The following ADAMTSL1 variants were observed in gnomAD, a reference collection of about 807,000 sequenced individuals.
ADAMTSL1 encodes ADAMTS-like protein 1.
Under a neutral mutation model 201.8 loss-of-function variants are expected in ADAMTSL1, and 126 were observed. The ratio of observed to expected loss-of-function variants is 0.62; its 90% CI spans 0.54 to 0.72. ADAMTSL1 has a LOEUF of 0.72. ADAMTSL1 is among the 30% of genes least tolerant of loss of function. The probability of loss-of-function intolerance (pLI) is 0.00; values close to 1 mark genes in which losing one functional copy is unlikely to be tolerated. For missense variants in ADAMTSL1, 2,679 were observed against 2,277.8 expected (o/e 1.18, Z -3.59); for synonymous variants, 1,121 against 903.4 (o/e 1.24, Z -4.32).
At chr9:18,058,843 G>A (rs190769215) in intron 1 of ADAMTSL1, among the ~76,000 whole-genome samples, 189 of 152,264 alleles carry the variant, frequency 1.2e-3, no homozygotes, top group Admixed American at 2.0e-3. Context: ...TCCAGTAAAA[G>A]AAACCACAGA....
chr9:18,223,794 CT>C (rs370457474), intron 2 of ADAMTSL1, among the ~76,000 whole-genome samples: 329 of 151,850 alleles, frequency 2.2e-3, no homozygotes, highest in African/African-American at 7.8e-3. Context: ...TAGCTTGTTT[CT>C]TTATGGGACC....
At position 18,816,462 on chromosome 9, in the gene ADAMTSL1, C is replaced by G. The variant is rs139555906; in HGVS notation, c.3806-647C>G. ...ATGTTGGCCAGGCTAGTCTCAAACTCCTGGCCTCAAGTGATCGACCCACCT... is the reference window on the plus strand; with the variant it reads ...ATGTTGGCCAGGCTAGTCTCAAACTGCTGGCCTCAAGTGATCGACCCACCT... On this transcript the variant is annotated intron_variant, in intron 20 of 28. Coordinates refer to ENST00000380548, the MANE Select transcript of ADAMTSL1 (RefSeq NM_001040272.6). 2.9e-3 allele frequency among the ~76,000 whole-genome samples: 439 copies of G among 152,250 alleles called. 3 individuals carry two copies. Among genetic ancestry groups the G allele is most frequent in the African/African-American group, 1.0e-2 (415 of 41,530 alleles).
At chr9:18,462,628 G>C (rs1378307498) in intron 2 of ADAMTSL1, among the ~76,000 whole-genome samples, 1 of 152,032 alleles carries the variant, frequency 6.6e-6, no homozygotes, top group Non-Finnish European at 1.5e-5. Flanking sequence ...GCAATCAAAA[G>C]GATTTAATCA....
Position 18,719,406 on chromosome 9 carries a change from G to C in ADAMTSL1, c.1877-2130G>C, listed in dbSNP as rs574601648. ...TTTCTCACCCAGGCTGGAGTACAAT[G>C]GTGTGATCTCAGCTCACTGCAACCT... On this transcript the variant is annotated intron_variant, in intron 14 of 28. Coordinates refer to ENST00000380548, the MANE Select transcript of ADAMTSL1 (RefSeq NM_001040272.6). Among the ~76,000 whole-genome samples the C allele has an allele frequency of 3.3e-5, 5 of 152,190 alleles. No individual in the cohort carries two copies. In the East Asian group the frequency reaches 9.7e-4, roughly 29 times the overall value.
intron 1 of ADAMTSL1, among the ~76,000 whole-genome samples, chr9:18,136,221 A>G (rs760147136): frequency 1.3e-5 from 2 of 152,182 alleles, no homozygotes; most frequent in Non-Finnish European, 2.9e-5. Context: ...AAATATTTCC[A>G]AAGAATACCT....
chr9:17,933,062 T>C (rs1826862617), intron 1 of ADAMTSL1, among the ~76,000 whole-genome samples: 2 of 152,146 alleles, frequency 1.3e-5, no homozygotes, highest in South Asian at 4.1e-4. Context: ...TGTGTTTCTT[T>C]TCGGTGCTGT....
intron 1 of ADAMTSL1, among the ~76,000 whole-genome samples, chr9:17,936,257 A>G (rs1315302201): frequency 6.6e-6 from 1 of 152,128 alleles, no homozygotes; most frequent in Non-Finnish European, 1.5e-5. Context: ...TCACATAATA[A>G]TTGAAATTCT....
intron 4 of ADAMTSL1, among the ~76,000 whole-genome samples, chr9:18,584,417 T>C (rs1235455013): frequency 6.6e-6 from 1 of 152,074 alleles, no homozygotes; most frequent in Non-Finnish European, 1.5e-5. Flanking sequence ...CTTTCTTTTG[T>C]AAATTGCTCA....
At chr9:17,907,746 G>C (rs1380301377) in intron 1 of ADAMTSL1, among the ~76,000 whole-genome samples, 3 of 152,092 alleles carry the variant, frequency 2.0e-5, no homozygotes, top group African/African-American at 7.3e-5. Flanking sequence ...CAGGGGTCCA[G>C]GGTCGAGTCA....
At chr9:18,816,165 T>C (rs905130744) in intron 20 of ADAMTSL1, among the ~76,000 whole-genome samples, 2 of 152,250 alleles carry the variant, frequency 1.3e-5, no homozygotes, top group East Asian at 1.9e-4. Flanking sequence ...CCAGTCTCTG[T>C]TAACCACTAT....
chr9:18,467,356 T>C (rs1429431240), intron 2 of ADAMTSL1, among the ~76,000 whole-genome samples: 1 of 152,188 alleles, frequency 6.6e-6, no homozygotes, highest in Non-Finnish European at 1.5e-5. Flanking sequence ...AAAATAACTC[T>C]TAAAGCTTGA....
At chr9:18,020,457 A>T (rs916018647) in intron 1 of ADAMTSL1, among the ~76,000 whole-genome samples, 10 of 152,042 alleles carry the variant, frequency 6.6e-5, no homozygotes, top group African/African-American at 1.2e-4. Context: ...AGAGGGAACA[A>T]AGCCTGCCAA....
At chr9:18,793,944 A>C (rs577244568) in intron 19 of ADAMTSL1, among the ~76,000 whole-genome samples, 1 of 152,296 alleles carries the variant, frequency 6.6e-6, no homozygotes, top group East Asian at 1.9e-4. Context: ...ATAAATCTAG[A>C]AAAGAAAAAA....
At chr9:17,941,796 A>C (rs1044194060) in intron 1 of ADAMTSL1, among the ~76,000 whole-genome samples, 1 of 152,160 alleles carries the variant, frequency 6.6e-6, no homozygotes, top group African/African-American at 2.4e-5. Flanking sequence ...TATTTCTCAC[A>C]GTTCTAGAAG....
chr9:18,364,433 C>T (rs922205545), intron 2 of ADAMTSL1, among the ~76,000 whole-genome samples: 1 of 152,016 alleles, frequency 6.6e-6, no homozygotes. Flanking sequence ...AGAAGCAAAC[C>T]CCAATTCTCT....
At chr9:18,275,876 C>A (rs1262689297) in intron 2 of ADAMTSL1, among the ~76,000 whole-genome samples, 2 of 152,060 alleles carry the variant, frequency 1.3e-5, no homozygotes, top group East Asian at 3.9e-4. Flanking sequence ...GTAAATCCTA[C>A]CTCAGGGTAG....
At position 18,242,488 on chromosome 9, in the gene ADAMTSL1, A is replaced by G. The variant is rs112272653; in HGVS notation, c.207+78507A>G. ...TCTACTCTCTTTAATTCTATTCAAC[A>G]TAGTGTTAGAACTATTAGCAAGAAC... On this transcript the variant is annotated intron_variant, in intron 2 of 29. Coordinates refer to the ADAMTSL1 transcript ENST00000680146. Among the ~76,000 whole-genome samples the G allele has an allele frequency of 4.8e-3, 726 of 152,272 alleles. 5 individuals are homozygous for G. Among genetic ancestry groups the G allele is most frequent in the Non-Finnish European group, 8.3e-3 (563 of 67,992 alleles).
At chr9:18,137,481 C>T (rs191816790) in intron 1 of ADAMTSL1, among the ~76,000 whole-genome samples, 6 of 152,090 alleles carry the variant, frequency 3.9e-5, no homozygotes, top group African/African-American at 1.4e-4. Context: ...GTCCAGGCTC[C>T]ATTAGTCTCA....
intron 4 of ADAMTSL1, among the ~76,000 whole-genome samples, chr9:18,590,790 A>T (rs1243467061): frequency 1.3e-5 from 2 of 152,002 alleles, no homozygotes; most frequent in Non-Finnish European, 2.9e-5. Context: ...TCAGGAGCAT[A>T]TTTAATTTCC....
Sources: allele counts gnomAD v4.1 joint callset (sites outside exome capture counted in the v4.1 genomes callset), GRCh38; gene constraint gnomAD v4.1.1; transcripts MANE v1.5; gene names NCBI Gene and HGNC (gene_info 2026-07-23, HGNC 2026-07-21).